EYA4: variants seen among roughly 807,000 people sequenced by gnomAD.
EYA4 encodes EYA transcriptional coactivator and phosphatase 4, also known as protein phosphatase EYA4.
Under a neutral mutation model 87.9 loss-of-function variants are expected in EYA4, and 31 were observed. The ratio of observed to expected loss-of-function variants is 0.35; its 90% CI spans 0.27 to 0.48. EYA4 has a LOEUF of 0.48. Ranked by LOEUF, EYA4 falls within the 20% of genes least tolerant of loss-of-function variation. The pLI is 0.99. For synonymous variants in EYA4, 263 were observed against 270.6 expected (o/e 0.97, Z 0.28); for missense variants, 678 against 761.4 (o/e 0.89, Z 1.29).
intron 3 of EYA4, among the ~76,000 whole-genome samples, chr6:133,399,508 TTATGTTTTAAATCAAGAATA>T (rs1583175931): frequency 6.6e-6 from 1 of 152,280 alleles, no homozygotes; most frequent in East Asian, 1.9e-4. Context: ...ATGAGGCTAC[TTATGTTTTAAATCAAGAATA>T]TGTTTTCAGT....
At chr6:133,356,746 AGTGTGTGT>A (rs58234857) in intron 2 of EYA4, among the ~76,000 whole-genome samples, 38,017 of 136,450 alleles carry the variant, frequency 0.28, 5,501 homozygotes, top group African/African-American at 0.36. Flanking sequence ...AGCATTATTC[AGTGTGTGT>A]GTGTGTGTGT....
At chr6:133,388,231 A>ACC (rs200271095) in intron 3 of EYA4, among the ~76,000 whole-genome samples, 2 of 151,446 alleles carry the variant, frequency 1.3e-5, no homozygotes, top group East Asian at 3.9e-4. Flanking sequence ...ACATGGTGAG[A>ACC]CCCCGTCTCT....
intron 14 of EYA4, among the ~76,000 whole-genome samples, chr6:133,508,979 TAATC>T (rs1483691134): frequency 2.6e-5 from 4 of 152,196 alleles, no homozygotes; most frequent in Admixed American, 6.5e-5. Flanking sequence ...ATACTGTACT[TAATC>T]AATAAAATAA....
chr6:133,382,520 A>G (rs1403323649), intron 3 of EYA4, 79 bp downstream of exon 3: 2 of 953,950 alleles, frequency 2.1e-6, no homozygotes, highest in Non-Finnish European at 3.5e-6. Context: ...TACCTGAGAC[A>G]CAATTGTGAT....
chr6:133,504,334 C>T (rs1028348399), intron 13 of EYA4, among the ~76,000 whole-genome samples: 8 of 152,130 alleles, frequency 5.3e-5, no homozygotes, highest in Non-Finnish European at 1.2e-4. Context: ...CGGATGAATC[C>T]GGCAGCACAG....
chr6:133,435,832 C>T lies in EYA4; in HGVS notation c.84-10798C>T, dbSNP rs546803914. Among the ~76,000 whole-genome samples, 1,245 of 144,076 alleles carry T rather than the reference C, an allele frequency of 8.6e-3. 17 individuals are homozygous for T. The highest frequency in any genetic ancestry group is 0.031 in the African/African-American group (1,176 of 38,292). 94.5% of individuals were successfully genotyped at this position (144,076 alleles called of 152,430 possible). On this transcript the variant is annotated intron_variant, in intron 3 of 19. Transcript: ENST00000355286. Reference sequence around the variant, plus strand: ...TCTTTGACTCTAAAGTGCATGTGCACGCGTGTACACACACACACACAGACA... The same window carrying T: ...TCTTTGACTCTAAAGTGCATGTGCATGCGTGTACACACACACACACAGACA...
At chr6:133,362,444 ACC>A (rs1237071942) in intron 2 of EYA4, among the ~76,000 whole-genome samples, 1 of 152,032 alleles carries the variant, frequency 6.6e-6, no homozygotes, top group African/African-American at 2.4e-5. Flanking sequence ...TCTTACCGTC[ACC>A]CCTGTTGCCT....
chr6:133,279,694 C>T (rs2128279157), intron 2 of EYA4, among the ~76,000 whole-genome samples: 1 of 152,132 alleles, frequency 6.6e-6, no homozygotes, highest in Non-Finnish European at 1.5e-5. Flanking sequence ...CCTTAGAGTA[C>T]TCATGACTTT....
rs1801039424 is a variant in EYA4 at position 133,532,052 on chromosome 6, G to A, written c.*3247G>A. 6.6e-6 allele frequency: 1 copy of A among 152,120 alleles called. No homozygotes were observed. Among genetic ancestry groups the A allele is most frequent in the Admixed American group, 6.5e-5 (1 of 15,270 alleles). 9.4% of individuals were successfully genotyped at this position (152,120 alleles called of 1,614,324 possible). On this transcript the variant is annotated 3_prime_UTR_variant, in exon 20 of 20. Transcript: ENST00000355286. ...AAAGAAATGTAAATTAATATTAAAA[G>A]CTTGTAAAAATATGTATATCTTTAC...
At chr6:133,474,078 G>A (rs899421517) in intron 11 of EYA4, among the ~76,000 whole-genome samples, 6 of 152,030 alleles carry the variant, frequency 3.9e-5, no homozygotes, top group Non-Finnish European at 8.8e-5. Context: ...TTTTCTCAAT[G>A]ATGAATGTGT....
At chr6:133,500,584 G>A (rs1047262441) in intron 13 of EYA4, among the ~76,000 whole-genome samples, 5 of 151,998 alleles carry the variant, frequency 3.3e-5, no homozygotes, top group African/African-American at 1.2e-4. Context: ...TCAATTACTA[G>A]GGGGAAAAAA....
At chr6:133,348,386 G>T (rs1296431670) in intron 2 of EYA4, among the ~76,000 whole-genome samples, 1 of 145,102 alleles carries the variant, frequency 6.9e-6, no homozygotes, top group Non-Finnish European at 1.5e-5. Flanking sequence ...CAGTCCTCTT[G>T]CTTCAGCCTC....
intron 2 of EYA4, among the ~76,000 whole-genome samples, chr6:133,338,084 C>T (rs1782510388): frequency 6.6e-6 from 1 of 151,988 alleles, no homozygotes. Context: ...GTAAAAAGAA[C>T]ATTCATTCTT....
intron 3 of EYA4, among the ~76,000 whole-genome samples, chr6:133,443,645 T>C (rs905916768): frequency 2.0e-5 from 3 of 152,150 alleles, no homozygotes; most frequent in Non-Finnish European, 4.4e-5. Flanking sequence ...TTTTCTAATA[T>C]AACCATTTAA....
chr6:133,252,981 A>T (rs1194827631), intron 1 of EYA4, among the ~76,000 whole-genome samples: 3 of 141,124 alleles, frequency 2.1e-5, no homozygotes, highest in South Asian at 4.5e-4. Context: ...ACACACACAC[A>T]CACACACACT....
At chr6:133,506,040 T>C (rs1749333091) in intron 13 of EYA4, 66 bp from the exon 14 acceptor site, 1 of 947,532 alleles carries the variant, frequency 1.1e-6, no homozygotes, top group South Asian at 1.3e-5. Flanking sequence ...AATATGTGCT[T>C]AAAATATTTT....
chr6:133,296,628 A>G (rs954427665), intron 2 of EYA4, among the ~76,000 whole-genome samples: 14 of 152,138 alleles, frequency 9.2e-5, no homozygotes, highest in African/African-American at 3.4e-4. Context: ...CCTAAGTATT[A>G]TGATGAGAAG....
At chr6:133,460,117 T>C (rs1358774517) in intron 6 of EYA4, among the ~76,000 whole-genome samples, 2 of 152,148 alleles carry the variant, frequency 1.3e-5, no homozygotes, top group Non-Finnish European at 2.9e-5. Context: ...TCCAGAATTA[T>C]TATGAACAAC....
At chr6:133,402,136 G>A (rs867559343) in intron 3 of EYA4, among the ~76,000 whole-genome samples, 2 of 151,894 alleles carry the variant, frequency 1.3e-5, no homozygotes, top group Non-Finnish European at 2.9e-5. Context: ...TCAAAAAAAA[G>A]ATCTATATGA....
Sources: gnomAD v4.1 joint callset for allele counts (sites outside exome capture counted in the v4.1 genomes callset) on GRCh38, gnomAD v4.1.1 for gene constraint, MANE v1.5 for transcripts, NCBI Gene and HGNC (gene_info 2026-07-23, HGNC 2026-07-21) for gene names.